Variants in NXNL2 observed in about 807,000 individuals in gnomAD.
NXNL2 encodes the protein nucleoredoxin like 2.
NXNL2 carries 7 observed loss-of-function variants against 11.1 expected under a neutral mutation model. That is an observed-to-expected ratio of 0.63 (90% CI 0.36 to 1.18). The LOEUF (loss-of-function observed/expected upper bound fraction) is 1.18. NXNL2 is among the 50% of genes most tolerant of loss of function. The pLI is 0.02. For missense variants in NXNL2, 233 were observed against 217.7 expected (o/e 1.07, Z -0.44); for synonymous variants, 109 against 101.8 (o/e 1.07, Z -0.42).
At chr9:88,563,765 C>T (rs895187284) in intron 1 of NXNL2, among the ~76,000 whole-genome samples, 4 of 152,108 alleles carry the variant, frequency 2.6e-5, no homozygotes, top group African/African-American at 9.7e-5. Flanking sequence ...GCTGGCTAGG[C>T]GTTCTCTCGG....
chr9:88,572,357 C>T (rs1359403267), intron 2 of NXNL2, among the ~76,000 whole-genome samples: 3 of 152,102 alleles, frequency 2.0e-5, no homozygotes, highest in Non-Finnish European at 2.9e-5. Flanking sequence ...AACCTTTCTT[C>T]GGCCTCCCAC....
At chr9:88,564,268 G>GTCTA (rs199555225) in intron 1 of NXNL2, among the ~76,000 whole-genome samples, 2 of 136,254 alleles carry the variant, frequency 1.5e-5, no homozygotes, top group Non-Finnish European at 3.2e-5. Context: ...CTATCTATCT[G>GTCTA]TCTATCTATC....
chr9:88,581,731 C>T (rs1161239565), intron 1 of NXNL2, among the ~76,000 whole-genome samples: 1 of 152,230 alleles, frequency 6.6e-6, no homozygotes, highest in Non-Finnish European at 1.5e-5. Flanking sequence ...GTTGGGATTA[C>T]AGGCGTGAGC....
intron 1 of NXNL2, among the ~76,000 whole-genome samples, chr9:88,568,334 C>T (rs1255272982): frequency 6.6e-6 from 1 of 152,190 alleles, no homozygotes; most frequent in African/African-American, 2.4e-5. Flanking sequence ...CTTCAGCTTT[C>T]CTCTCTCTGG....
chr9:88,561,308 G>A (rs1176754543), intron 1 of NXNL2, among the ~76,000 whole-genome samples: 1 of 152,148 alleles, frequency 6.6e-6, no homozygotes, highest in Non-Finnish European at 1.5e-5. Context: ...TTAGGGACCC[G>A]GACTGGCTCT....
intron 1 of NXNL2, among the ~76,000 whole-genome samples, chr9:88,551,152 T>C (rs1829926059): frequency 6.6e-6 from 1 of 152,220 alleles, no homozygotes; most frequent in Admixed American, 6.5e-5. Flanking sequence ...TTAGCAAGCC[T>C]CTGTTTTCAC....
chr9:88,566,145 C>T (rs979585044), intron 1 of NXNL2, among the ~76,000 whole-genome samples: 1 of 152,120 alleles, frequency 6.6e-6, no homozygotes, highest in Non-Finnish European at 1.5e-5. Flanking sequence ...GTTGCCTTTT[C>T]ACTCTGTTGA....
rs1373359443 is a variant in NXNL2 at position 88,550,942 on chromosome 9, A to G, written c.302+15206A>G. Among the ~76,000 whole-genome samples, 8 of 151,948 alleles carry G rather than the reference A, an allele frequency of 5.3e-5. No homozygotes were observed. The East Asian group carries it at 9.6e-4, about 18-fold the overall frequency. On this transcript the variant is annotated intron_variant, in intron 1 of 2. Transcript: ENST00000375855. ...GGCTCTCGTCACCTTCTTGTTTTCT[A>G]GGTTGCTTATTTACTTCTCAAGGCT...
At chr9:88,559,556 C>T (rs1337752657) in intron 1 of NXNL2, among the ~76,000 whole-genome samples, 1 of 152,226 alleles carries the variant, frequency 6.6e-6, no homozygotes, top group Non-Finnish European at 1.5e-5. Flanking sequence ...TCCCTGCCAT[C>T]CGTAGGCCTG....
intron 2 of NXNL2, among the ~76,000 whole-genome samples, chr9:88,572,906 G>C (rs1025050704): frequency 6.6e-6 from 1 of 152,202 alleles, no homozygotes; most frequent in Non-Finnish European, 1.5e-5. Context: ...TGTCCCACAA[G>C]AGGCCATTGT....
Position 88,535,553 on chromosome 9 carries a change from C to T in NXNL2, c.119C>T (p.Pro40Leu), listed in dbSNP as rs769919120. 2 of 1,603,754 alleles carry T rather than the reference C, an allele frequency of 1.2e-6. No individual in the cohort carries two copies. Among genetic ancestry groups the T allele is most frequent in the Admixed American group, 1.7e-5 (1 of 58,762 alleles). ...ALYFAAARCA[P>L]SRDFTPLLCD... ...TACTTCGCGGCGGCCCGGTGCGCGC[C>T]GAGCCGCGACTTCACGCCGCTGCTC... Residue 40 changes from proline (P) to leucine (L), a missense_variant, in exon 1 of 2, where the codon CCG (proline) becomes CTG (leucine). By Grantham distance (98) the Pro-to-Leu change is moderately conservative (BLOSUM62 -3). Coordinates refer to ENST00000375854, the MANE Select transcript of NXNL2 (RefSeq NM_001161625.2).
chr9:88,536,774 G>T (rs1829629965), intron 1 of NXNL2, among the ~76,000 whole-genome samples: 2 of 152,216 alleles, frequency 1.3e-5, no homozygotes, highest in Admixed American at 1.3e-4. Context: ...GATTCCCAGT[G>T]AAAGAGGAGG....
chr9:88,558,055 A>T (rs1384775889), intron 1 of NXNL2, among the ~76,000 whole-genome samples: 2 of 152,114 alleles, frequency 1.3e-5, no homozygotes, highest in South Asian at 2.1e-4. Flanking sequence ...CAGAGTGATG[A>T]GTCTTTTGTA....
At chr9:88,544,126 G>A (rs561401366) in intron 1 of NXNL2, among the ~76,000 whole-genome samples, 219 of 152,270 alleles carry the variant, frequency 1.4e-3, no homozygotes, top group African/African-American at 4.9e-3. Context: ...AGCCGAGATC[G>A]CGCCATTGCA....
In NXNL2 at chr9:88,535,192, C is replaced by G; in HGVS notation, c.-243C>G. ...GCCCCGCTCCCAGAGGCGGGTGCCG[C>G]GCTGTCGCCCAGGTATCTGGGGTCT... On this transcript the variant is annotated 5_prime_UTR_variant, in exon 1 of 2. Coordinates refer to ENST00000375854, the MANE Select transcript of NXNL2 (RefSeq NM_001161625.2). 1.9e-6 allele frequency: 1 copy of G among 529,460 alleles called. No individual in the cohort carries two copies. 32.8% of individuals were successfully genotyped at this position (529,460 alleles called of 1,614,324 possible).
chr9:88,540,935 ATTTTTTTTTTT>A lies in NXNL2; in HGVS notation c.303-3427_303-3417del, dbSNP rs71507764. Among the ~76,000 whole-genome samples the A allele has an allele frequency of 8.1e-3, 738 of 91,080 alleles. 16 individuals are homozygous for A. The highest frequency in any genetic ancestry group is 0.034 in the African/African-American group (690 of 20,202). The allele number at this position is 91,080 out of a possible 152,430, so 59.8% of individuals were successfully genotyped here. On this transcript the variant is annotated intron_variant, in intron 1 of 1. Transcript: ENST00000375854. ...CTTTTTCCTTGCTCAATCTCAGTAG[ATTTTTTTTTTT>A]TTTTTTTTTTTTTTTTGGAGCTAGG...
chr9:88,540,267 G>C (rs1036288877), intron 1 of NXNL2, among the ~76,000 whole-genome samples: 1 of 151,750 alleles, frequency 6.6e-6, no homozygotes, highest in African/African-American at 2.4e-5. Context: ...GGGAGGCGGA[G>C]GTTGCAGTGA....
intron 1 of NXNL2, among the ~76,000 whole-genome samples, chr9:88,543,218 G>A (rs896933419): frequency 6.6e-6 from 1 of 152,096 alleles, no homozygotes; most frequent in African/African-American, 2.4e-5. Context: ...GAATTTGTAG[G>A]GTGGAAAGTC....
downstream of NXNL2, among the ~76,000 whole-genome samples, chr9:88,546,169 G>A (rs186708073): frequency 1.3e-5 from 2 of 152,142 alleles, no homozygotes; most frequent in Admixed American, 1.3e-4. Flanking sequence ...GTGTGTGTGT[G>A]TGTGTGTGAG....
Sources: allele counts gnomAD v4.1 joint callset (sites outside exome capture counted in the v4.1 genomes callset), GRCh38; gene constraint gnomAD v4.1.1; transcripts MANE v1.5; gene names NCBI Gene and HGNC (gene_info 2026-07-23, HGNC 2026-07-21).